The following MIPEP variants were observed in gnomAD, a reference collection of about 807,000 sequenced individuals.
The protein encoded by MIPEP is mitochondrial intermediate peptidase.
MIPEP carries 79 observed loss-of-function variants against 90.3 expected under a neutral mutation model. The ratio of observed to expected loss-of-function variants is 0.87; its 90% CI spans 0.73 to 1.05. MIPEP has a LOEUF of 1.05. Ranked by LOEUF, MIPEP falls within the 50% of genes least tolerant of loss-of-function variation. MIPEP has a pLI of 0.00. For missense variants in MIPEP, 940 were observed against 905.6 expected, an observed-to-expected ratio of 1.04 and a Z score of -0.49; for synonymous variants, 334 against 315.8, an observed-to-expected ratio of 1.06 and a Z score of -0.61.
rs116135231 is a variant in MIPEP at position 23,824,880 on chromosome 13, C to T, written c.1653+11360G>A. On this transcript the variant is annotated intron_variant, in intron 14 of 18. Transcript: ENST00000382172. The stretch of plus-strand genomic sequence containing the variant: ...TGCTTACACTTTATCACAGACCCAC[C>T]GATGGTTTAAAGAAACATAGGTCAG... Among the ~76,000 whole-genome samples the T allele has an allele frequency of 8.8e-3, 1,346 of 152,232 alleles. 27 individuals carry two copies. The highest frequency in any genetic ancestry group is 0.029 in the African/African-American group (1,222 of 41,524).
rs370637778 is a variant in MIPEP, at chr13:23,819,706, T to TA, written c.1654-9783dup. On this transcript the variant is annotated intron_variant, in intron 14 of 18. Transcript: ENST00000382172. ...ACAGCGTAAATTCTCCACTTTTTAT[T>TA]AAAAAAAAAAATAGAAAAAAAGCCG... Among the ~76,000 whole-genome samples, 1,445 of 147,202 alleles carry TA rather than the reference T, an allele frequency of 9.8e-3. 11 individuals carry two copies. Among genetic ancestry groups the TA allele is most frequent in the Middle Eastern group, 0.014 (4 of 288 alleles).
Position 23,879,266 on chromosome 13 carries a change from AC to A in MIPEP, c.539+1del. 1 of 1,582,100 alleles carries A rather than the reference AC, an allele frequency of 6.3e-7. No homozygotes were observed. Among genetic ancestry groups the A allele is most frequent in the Non-Finnish European group, 8.7e-7 (1 of 1,152,494 alleles). ...AATCAAGGCAAAGAAATGAGTGAGTACCTTGTTTCTGGATCAAGGGAATCCA... is the reference window on the plus strand; with the variant it reads ...AATCAAGGCAAAGAAATGAGTGAGTACTTGTTTCTGGATCAAGGGAATCCA... On this transcript the variant is annotated splice_donor_variant, in intron 4 of 18. Transcript: ENST00000382172. LOFTEE classifies it high-confidence loss of function.
intron 18 of MIPEP, among the ~76,000 whole-genome samples, chr13:23,734,565 C>T (rs564347644): frequency 6.6e-6 from 1 of 152,312 alleles, no homozygotes. Context: ...AATTATCTGT[C>T]TGGAAGCTCT....
chr13:23,884,566 C>T (rs1489203881), intron 2 of MIPEP, among the ~76,000 whole-genome samples: 1 of 152,172 alleles, frequency 6.6e-6, no homozygotes, highest in Non-Finnish European at 1.5e-5. Flanking sequence ...TGACAGCGGG[C>T]ACATCCCTTC....
intron 16 of MIPEP, among the ~76,000 whole-genome samples, chr13:23,799,004 T>G (rs1305127407): frequency 7.5e-6 from 1 of 132,536 alleles, no homozygotes. Context: ...TTTTTGGTTT[T>G]TTTTTTTTTT....
At chr13:23,775,109 CTGTGTGTGTGTGTGTGTGTG>C (rs57354012) in intron 16 of MIPEP, among the ~76,000 whole-genome samples, 3 of 149,094 alleles carry the variant, frequency 2.0e-5, no homozygotes, top group Non-Finnish European at 3.0e-5. Context: ...TATCAGTTCT[CTGTGTGTGTGTGTGTGTGTG>C]TGTGTGTGTG....
intron 14 of MIPEP, among the ~76,000 whole-genome samples, chr13:23,825,647 T>C (rs1254660708): frequency 1.3e-5 from 2 of 152,252 alleles, no homozygotes; most frequent in African/African-American, 4.8e-5. Flanking sequence ...GTTATAATAC[T>C]GACTTGATCA....
At chr13:23,862,144 G>A (rs544330256) in intron 9 of MIPEP, among the ~76,000 whole-genome samples, 158 bp downstream of exon 9, 3 of 152,042 alleles carry the variant, frequency 2.0e-5, no homozygotes, top group African/African-American at 7.2e-5. Flanking sequence ...TGGGACATAA[G>A]AATCAAATAT....
In MIPEP at chr13:23,889,368, T is replaced by G. The variant is rs571963203; in HGVS notation, c.-48A>C. On this transcript the variant is annotated 5_prime_UTR_variant, in exon 1 of 19. Coordinates refer to ENST00000382172, the MANE Select transcript of MIPEP (RefSeq NM_005932.4). The stretch of plus-strand genomic sequence containing the variant: ...CCTCCAACGCAGATCCCTGCCCTGC[T>G]GCTTTCGCTGGGAGCGCGCGCTCCG... 3.4e-5 allele frequency: 42 copies of G among 1,243,456 alleles called. No individual in the cohort carries two copies. The African/African-American group carries it at 6.2e-4, about 18-fold the overall frequency. The allele number at this position is 1,243,456 out of a possible 1,614,324, so 77.0% of individuals were successfully genotyped here.
chr13:23,769,733 G>A (rs1197229551), intron 16 of MIPEP, among the ~76,000 whole-genome samples: 1 of 152,184 alleles, frequency 6.6e-6, no homozygotes, highest in South Asian at 2.1e-4. Context: ...GGACAAATGG[G>A]ACAATTTGAT....
At chr13:23,790,404 T>C (rs1337721873) in intron 16 of MIPEP, among the ~76,000 whole-genome samples, 1 of 152,222 alleles carries the variant, frequency 6.6e-6, no homozygotes, top group Non-Finnish European at 1.5e-5. Flanking sequence ...TAATGCCCTC[T>C]CCTCCAAAGA....
At chr13:23,839,123 A>G (rs1192037202) in intron 12 of MIPEP, among the ~76,000 whole-genome samples, 1 of 152,260 alleles carries the variant, frequency 6.6e-6, no homozygotes, top group African/African-American at 2.4e-5. Context: ...AGTCTTCCAC[A>G]TAAGGAGCTA....
chr13:23,871,201 A>C (rs574715954), intron 5 of MIPEP, among the ~76,000 whole-genome samples: 1 of 152,370 alleles, frequency 6.6e-6, no homozygotes, highest in African/African-American at 2.4e-5. Context: ...GTCAGTGATG[A>C]GGACGTGGAT....
chr13:23,811,105 T>C (rs1232033836), intron 14 of MIPEP, among the ~76,000 whole-genome samples: 1 of 152,198 alleles, frequency 6.6e-6, no homozygotes, highest in Non-Finnish European at 1.5e-5. Context: ...TTTTTAACAG[T>C]CAAGATTTAT....
intron 1 of MIPEP, chr13:23,887,985 TCTAA>T: frequency 2.9e-6 from 1 of 339,258 alleles, no homozygotes; most frequent in South Asian, 2.5e-5. Flanking sequence ...TCTCGGGAAT[TCTAA>T]CTATCGGATT....
intron 14 of MIPEP, among the ~76,000 whole-genome samples, chr13:23,826,989 C>T (rs1219344734): frequency 1.3e-5 from 2 of 152,122 alleles, no homozygotes; most frequent in Admixed American, 1.3e-4. Context: ...ATCTATATAG[C>T]GTTTACATTG....
intron 18 of MIPEP, among the ~76,000 whole-genome samples, chr13:23,740,889 G>A (rs1420871531): frequency 3.3e-5 from 5 of 152,180 alleles, no homozygotes; most frequent in Non-Finnish European, 5.9e-5. Flanking sequence ...TTGTGGAGTC[G>A]GGGAAGGAAG....
intron 14 of MIPEP, among the ~76,000 whole-genome samples, chr13:23,819,497 T>G (rs1340050131): frequency 6.6e-6 from 1 of 152,184 alleles, no homozygotes; most frequent in Non-Finnish European, 1.5e-5. Context: ...AGAGGCTGCC[T>G]AATTCATGAA....
rs138819498 is a variant in MIPEP at position 23,764,668 on chromosome 13, A to C, written c.1849-4451T>G. On this transcript the variant is annotated intron_variant, in intron 16 of 18. Coordinates refer to ENST00000382172, the MANE Select transcript of MIPEP (RefSeq NM_005932.4). ...GGAGCTCCTGGGCTCAAGTAGCCTC[A>C]GACCTCAGCCTCCTGAGTAGCTGGG... is the stretch of plus-strand genomic sequence containing the variant. 5.3e-5 allele frequency among the ~76,000 whole-genome samples: 8 copies of C among 151,964 alleles called. No individual in the cohort carries two copies. The East Asian group carries it at 1.5e-3, about 29-fold the overall frequency.
Sources: allele counts gnomAD v4.1 joint callset (sites outside exome capture counted in the v4.1 genomes callset), GRCh38; gene constraint gnomAD v4.1.1; transcripts MANE v1.5; gene names NCBI Gene and HGNC (gene_info 2026-07-23, HGNC 2026-07-21).